RAPGEF4: variants seen among roughly 807,000 people sequenced by gnomAD.
The protein encoded by RAPGEF4 is Rap guanine nucleotide exchange factor 4.
RAPGEF4 carries 66 observed loss-of-function variants against 147.9 expected under a neutral mutation model. The ratio of observed to expected loss-of-function variants is 0.45; its 90% CI spans 0.37 to 0.55. The LOEUF is 0.55. Ranked by LOEUF, RAPGEF4 falls within the 20% of genes least tolerant of loss-of-function variation. The pLI is 0.00. For synonymous variants in RAPGEF4, 419 were observed against 442.7 expected, an observed-to-expected ratio of 0.95 and a Z score of 0.67; for missense variants, 1,071 against 1,257.3, an observed-to-expected ratio of 0.85 and a Z score of 2.24.
intron 4 of RAPGEF4, among the ~76,000 whole-genome samples, chr2:172,897,532 A>G (rs1698607569): frequency 6.6e-6 from 1 of 151,930 alleles, no homozygotes; most frequent in Non-Finnish European, 1.5e-5. Flanking sequence ...CCAAGTAGCT[A>G]GGACTACAGG....
At chr2:172,839,913 G>A (rs1012049419) in intron 4 of RAPGEF4, among the ~76,000 whole-genome samples, 4 of 152,166 alleles carry the variant, frequency 2.6e-5, no homozygotes, top group African/African-American at 9.7e-5. Flanking sequence ...GCATATGAAA[G>A]GCAGAGTATC....
Position 172,938,879 on chromosome 2 carries a change from T to A in RAPGEF4, c.537+16579T>A, listed in dbSNP as rs1026472385. On this transcript the variant is annotated intron_variant, in intron 6 of 30. Transcript: ENST00000397081. ...GAAGCCATAGAAACCACAATTTGTTTACTCTCGATAAAGTTTTGCCTTTTC... is the reference window on the plus strand; with the variant it reads ...GAAGCCATAGAAACCACAATTTGTTAACTCTCGATAAAGTTTTGCCTTTTC... 5.3e-5 allele frequency among the ~76,000 whole-genome samples: 8 copies of A among 152,346 alleles called. No individual in the cohort carries two copies. The South Asian group carries it at 1.7e-3, about 32-fold the overall frequency.
intron 4 of RAPGEF4, among the ~76,000 whole-genome samples, chr2:172,865,709 T>C (rs570860851): frequency 3.3e-5 from 5 of 152,188 alleles, no homozygotes; most frequent in Admixed American, 2.6e-4. Context: ...TGTCTTGGTG[T>C]TGGCCACTCC....
chr2:172,816,289 C>A (rs1039529583), intron 4 of RAPGEF4, among the ~76,000 whole-genome samples: 6 of 151,812 alleles, frequency 4.0e-5, no homozygotes, highest in African/African-American at 1.5e-4. Flanking sequence ...CTCTCTCCCC[C>A]TTCTCTCTCT....
chr2:172,953,316 C>G (rs1460892356), intron 6 of RAPGEF4, among the ~76,000 whole-genome samples: 3 of 146,730 alleles, frequency 2.0e-5, no homozygotes, highest in Non-Finnish European at 3.0e-5. Context: ...TAATAGTTCT[C>G]TATATATATC....
intron 6 of RAPGEF4, among the ~76,000 whole-genome samples, chr2:172,959,078 G>A (rs965070661): frequency 7.2e-5 from 11 of 152,098 alleles, no homozygotes; most frequent in African/African-American, 2.2e-4. Context: ...AGTACAAAGC[G>A]TAATAATCTC....
intron 6 of RAPGEF4, among the ~76,000 whole-genome samples, chr2:172,953,407 A>G (rs974900540): frequency 1.3e-5 from 2 of 148,392 alleles, no homozygotes; most frequent in African/African-American, 4.9e-5. Context: ...AATATAAAAA[A>G]TAACTGTTAT....
chr2:173,026,844 C>A, intron 24 of RAPGEF4, 147 bp downstream of exon 24: 1 of 1,177,800 alleles, frequency 8.5e-7, no homozygotes, highest in Non-Finnish European at 1.2e-6. Context: ...ATAAAGCATG[C>A]TATAAAGCCT....
rs528692532 is a variant in RAPGEF4, at chr2:172,842,934, G to A, written c.444+28509G>A. ...ATAGGAGTGAGATTGCAGAGGTGGT[G>A]CAGTTACAGGTGTCTGGATAATCAT... is the stretch of plus-strand genomic sequence containing the variant. On this transcript the variant is annotated intron_variant, in intron 4 of 30. Coordinates refer to ENST00000397081, the MANE Select transcript of RAPGEF4 (RefSeq NM_007023.4). Among the ~76,000 whole-genome samples the A allele has an allele frequency of 3.3e-5, 5 of 152,346 alleles. No individual in the cohort carries two copies. In the East Asian group the frequency reaches 9.6e-4, roughly 29 times the overall value.
At chr2:172,819,205 T>G (rs1336106872) in intron 4 of RAPGEF4, among the ~76,000 whole-genome samples, 2 of 152,152 alleles carry the variant, frequency 1.3e-5, no homozygotes, top group Admixed American at 6.5e-5. Context: ...TATCTTAAAG[T>G]CAGGTCTTAT....
At chr2:173,048,300 A>G in intron 29 of RAPGEF4, 1 of 315,102 alleles carries the variant, frequency 3.2e-6, no homozygotes, top group Non-Finnish European at 5.2e-6. Flanking sequence ...GATGGTGAAA[A>G]AGCACTAATG....
intron 5 of RAPGEF4, among the ~76,000 whole-genome samples, chr2:172,919,045 G>A (rs969231647): frequency 1.3e-5 from 2 of 152,140 alleles, no homozygotes; most frequent in African/African-American, 4.8e-5. Context: ...GGAGGAGGGT[G>A]GGAGGGACAG....
rs569787973 is a variant in RAPGEF4 at position 173,039,815 on chromosome 2, G to A, written c.2853+3123G>A. 2.0e-5 allele frequency among the ~76,000 whole-genome samples: 3 copies of A among 152,298 alleles called. No individual in the cohort carries two copies. The East Asian group carries it at 5.8e-4, about 29-fold the overall frequency. ...GAAGGGAAGAAAGGATATCAAAAGA[G>A]TACTGTAAGTTCTCTGTTCCAGCCA... is the stretch of plus-strand genomic sequence containing the variant. On this transcript the variant is annotated intron_variant, in intron 29 of 30. Coordinates refer to ENST00000397081, the MANE Select transcript of RAPGEF4 (RefSeq NM_007023.4).
At position 172,796,965 on chromosome 2, in the gene RAPGEF4, C is replaced by G. The variant is rs114540665; in HGVS notation, c.209-560C>G. ...TGGGAAGTATGGTTCTATCTAAATACCTAAATATTTTCTCTCTGAGAGGGA... is the reference window on the plus strand; with the variant it reads ...TGGGAAGTATGGTTCTATCTAAATAGCTAAATATTTTCTCTCTGAGAGGGA... On this transcript the variant is annotated intron_variant, in intron 2 of 30. Coordinates refer to ENST00000397081, the MANE Select transcript of RAPGEF4 (RefSeq NM_007023.4). Among the ~76,000 whole-genome samples, 514 of 152,210 alleles carry G rather than the reference C, an allele frequency of 3.4e-3. 3 individuals carry two copies. Among genetic ancestry groups the G allele is most frequent in the African/African-American group, 0.011 (469 of 41,512 alleles).
chr2:172,971,488 G>A (rs1690481170), intron 10 of RAPGEF4, among the ~76,000 whole-genome samples: 1 of 152,200 alleles, frequency 6.6e-6, no homozygotes. Context: ...ATTGTTAGAA[G>A]TTGGGGAATC....
At chr2:172,979,498 A>G (rs777368029) in intron 10 of RAPGEF4, among the ~76,000 whole-genome samples, 1 of 152,202 alleles carries the variant, frequency 6.6e-6, no homozygotes, top group Non-Finnish European at 1.5e-5. Context: ...TATTATTCTC[A>G]TTTTACAGAT....
chr2:172,802,271 C>T (rs922580851), intron 3 of RAPGEF4, among the ~76,000 whole-genome samples: 23 of 152,160 alleles, frequency 1.5e-4, no homozygotes, highest in African/African-American at 5.6e-4. Flanking sequence ...GAAAGACATA[C>T]CTGAGACTGG....
At chr2:172,908,761 G>A (rs377658317) in intron 4 of RAPGEF4, among the ~76,000 whole-genome samples, 1 of 152,056 alleles carries the variant, frequency 6.6e-6, no homozygotes, top group Non-Finnish European at 1.5e-5. Flanking sequence ...GTGTGCCCTC[G>A]GCTGAGGGTA....
At chr2:172,741,607 C>A (rs896717028) in intron 1 of RAPGEF4, among the ~76,000 whole-genome samples, 3 of 152,174 alleles carry the variant, frequency 2.0e-5, no homozygotes, top group Admixed American at 2.0e-4. Context: ...AAACTAACAT[C>A]TTTTTATTGT....
Sources: gnomAD v4.1 joint callset for allele counts (sites outside exome capture counted in the v4.1 genomes callset) on GRCh38, gnomAD v4.1.1 for gene constraint, MANE v1.5 for transcripts, NCBI Gene and HGNC (gene_info 2026-07-23, HGNC 2026-07-21) for gene names.